OLFM2: variants seen among roughly 807,000 people sequenced by gnomAD.
OLFM2 encodes noelin-2.
A neutral mutation model predicts 43.9 loss-of-function variants in OLFM2; 20 were observed. The observed-to-expected ratio is 0.46, with a 90% CI of 0.32 to 0.66. The LOEUF (loss-of-function observed/expected upper bound fraction) is 0.66. OLFM2 is among the 30% of genes least tolerant of loss of function. The pLI, the probability that OLFM2 is intolerant of heterozygous loss-of-function variation, is 0.04. For synonymous variants in OLFM2, 268 were observed against 278.6 expected (o/e 0.96, Z 0.38); for missense variants, 416 against 643.6 (o/e 0.65, Z 3.83).
At chr19:9,918,962 A>C (rs1023864067) in intron 1 of OLFM2, among the ~76,000 whole-genome samples, 1 of 152,130 alleles carries the variant, frequency 6.6e-6, no homozygotes, top group African/African-American at 2.4e-5. Context: ...CAACTCTGTA[A>C]ATTTACGAAA....
intron 1 of OLFM2, among the ~76,000 whole-genome samples, chr19:9,896,391 G>A (rs773741798): frequency 1.3e-4 from 19 of 151,420 alleles, no homozygotes; most frequent in African/African-American, 1.7e-4. Flanking sequence ...GAGCCACAGC[G>A]CCCAGCCTAT....
intron 1 of OLFM2, among the ~76,000 whole-genome samples, chr19:9,869,425 G>A (rs1024597000): frequency 1.3e-5 from 2 of 151,986 alleles, no homozygotes; most frequent in Non-Finnish European, 2.9e-5. Flanking sequence ...TTCACCATTC[G>A]CTTGCTGTGT....
chr19:9,899,063 G>C (rs186007736), intron 1 of OLFM2, among the ~76,000 whole-genome samples: 6 of 152,144 alleles, frequency 3.9e-5, no homozygotes, highest in Admixed American at 6.6e-5. Flanking sequence ...TCAGGAGTTC[G>C]AGACCAGCCC....
chr19:9,915,914 AG>A (rs1272064824), intron 1 of OLFM2, among the ~76,000 whole-genome samples: 1 of 152,224 alleles, frequency 6.6e-6, no homozygotes, highest in African/African-American at 2.4e-5. Context: ...GCAAGTGCAA[AG>A]GCCCTGGGGC....
intron 1 of OLFM2, among the ~76,000 whole-genome samples, chr19:9,934,608 G>A (rs1389534541): frequency 1.3e-5 from 2 of 152,032 alleles, no homozygotes; most frequent in Non-Finnish European, 2.9e-5. Flanking sequence ...TTTTTCCACT[G>A]GTTTCTCAAG....
At chr19:9,922,875 C>CACT (rs986098960) in intron 1 of OLFM2, among the ~76,000 whole-genome samples, 3 of 145,968 alleles carry the variant, frequency 2.1e-5, no homozygotes, top group Admixed American at 6.9e-5. Context: ...CGTGCCACAG[C>CACT]ACTCCAGCCT....
At chr19:9,909,685 C>T (rs543321637) in intron 1 of OLFM2, among the ~76,000 whole-genome samples, 1 of 152,302 alleles carries the variant, frequency 6.6e-6, no homozygotes, top group Non-Finnish European at 1.5e-5. Flanking sequence ...CTCAGCCTCC[C>T]CGACGTTGGG....
chr19:9,898,232 A>T (rs1346496276), intron 1 of OLFM2, among the ~76,000 whole-genome samples: 2 of 148,618 alleles, frequency 1.3e-5, no homozygotes, highest in East Asian at 4.4e-4. Context: ...TTTTAAAAAA[A>T]TTTTTTGTGC....
intron 1 of OLFM2, among the ~76,000 whole-genome samples, chr19:9,901,426 A>G (rs2046738853): frequency 6.8e-6 from 1 of 148,042 alleles, no homozygotes; most frequent in Non-Finnish European, 1.5e-5. Context: ...ACTCTGTCTC[A>G]AAAACAAACA....
chr19:9,893,646 A>T (rs181179817), intron 1 of OLFM2, among the ~76,000 whole-genome samples: 4 of 152,198 alleles, frequency 2.6e-5, no homozygotes, highest in South Asian at 2.1e-4. Flanking sequence ...CTTCCTGGGC[A>T]CCTTCTCACG....
At chr19:9,915,491 G>A (rs1053286318) in intron 1 of OLFM2, among the ~76,000 whole-genome samples, 1 of 130,026 alleles carries the variant, frequency 7.7e-6, no homozygotes, top group African/African-American at 3.1e-5. Flanking sequence ...TGGAGAAAGG[G>A]ACTTTTTTAT....
intron 1 of OLFM2, among the ~76,000 whole-genome samples, chr19:9,875,955 G>T (rs985613084): frequency 2.6e-4 from 40 of 152,050 alleles, no homozygotes; most frequent in African/African-American, 9.7e-4. Flanking sequence ...AGGCCTGCAG[G>T]TCTCACTGCT....
chr19:9,856,659 C>T lies in OLFM2; in HGVS notation c.687+148G>A, dbSNP rs867082415. ...AAAGCCCTTGGTCACTTGGGGGTTA[C>T]TGGACAGGGAGGTCCAATGGCCCTG... On this transcript the variant is annotated intron_variant, in intron 5 of 5. Coordinates refer to ENST00000264833, the MANE Select transcript of OLFM2 (RefSeq NM_058164.4). This position sits in a 1 kb window ranked among gnomAD's most constrained non-coding sequence, Gnocchi z 4.0. 3.1e-6 allele frequency: 2 copies of T among 639,770 alleles called. No homozygotes were observed. The highest frequency in any genetic ancestry group is 2.7e-5 in the Admixed American group (1 of 36,722). 39.6% of individuals were successfully genotyped at this position (639,770 alleles called of 1,614,324 possible).
chr19:9,854,987 A>G lies in OLFM2; in HGVS notation c.688-124T>C. 1.4e-6 allele frequency: 1 copy of G among 690,546 alleles called. No individual in the cohort carries two copies. Among genetic ancestry groups the G allele is most frequent in the Non-Finnish European group, 2.4e-6 (1 of 418,166 alleles). The allele number at this position is 690,546 out of a possible 1,614,324, so 42.8% of individuals were successfully genotyped here. ...GTCATTAGTCATGGGAACTCTGTTG[A>G]CCATTCATTACCAATTATGGCCCTA... On this transcript the variant is annotated intron_variant, in intron 5 of 5. Transcript: ENST00000264833. The surrounding 1 kb of genome is among the most constrained non-coding windows in gnomAD (Gnocchi z 9.5).
chr19:9,867,108 C>T (rs1207180935), intron 1 of OLFM2, among the ~76,000 whole-genome samples: 1 of 152,144 alleles, frequency 6.6e-6, no homozygotes, highest in African/African-American at 2.4e-5. Context: ...TGGTGGCTCA[C>T]GCCTGTAATC....
chr19:9,894,409 TAATA>T (rs372798977), intron 1 of OLFM2, among the ~76,000 whole-genome samples: 9,702 of 100,420 alleles, frequency 0.097, 448 homozygotes, highest in Middle Eastern at 0.12. Flanking sequence ...ATAATAATAA[TAATA>T]AATAAATAAA....
chr19:9,912,852 G>C (rs984895442), intron 1 of OLFM2, among the ~76,000 whole-genome samples: 1 of 151,898 alleles, frequency 6.6e-6, no homozygotes, highest in African/African-American at 2.4e-5. Flanking sequence ...AAGGGGTGCA[G>C]GGGAGAGAAA....
chr19:9,931,090 G>A (rs1466260951), intron 1 of OLFM2, among the ~76,000 whole-genome samples: 2 of 152,118 alleles, frequency 1.3e-5, no homozygotes, highest in Admixed American at 6.6e-5. Flanking sequence ...GCCCCAAGGG[G>A]CTCTTTCCTA....
At chr19:9,899,771 T>G (rs1007233873) in intron 1 of OLFM2, among the ~76,000 whole-genome samples, 1 of 151,994 alleles carries the variant, frequency 6.6e-6, no homozygotes. Flanking sequence ...CAGTCTGGTC[T>G]TGAACTCCTG....
Sources: gnomAD v4.1 joint callset for allele counts (sites outside exome capture counted in the v4.1 genomes callset) on GRCh38, gnomAD v4.1.1 for gene constraint, Gnocchi (gnomAD v3.1) non-coding constraint, MANE v1.5 for transcripts, NCBI Gene and HGNC (gene_info 2026-07-23, HGNC 2026-07-21) for gene names.